APP: variants seen among roughly 807,000 people sequenced by gnomAD.
The protein encoded by APP is amyloid beta precursor protein.
APP carries 31 observed loss-of-function variants against 101.4 expected under a neutral mutation model. The observed-to-expected ratio is 0.31, with a 90% CI of 0.23 to 0.41. APP has a LOEUF of 0.41. Ranked by LOEUF, APP falls within the 10% of genes least tolerant of loss-of-function variation. The pLI is 1.00. For missense variants in APP, 839 were observed against 1,003.7 expected, an observed-to-expected ratio of 0.84 and a Z score of 2.22; for synonymous variants, 366 against 364.4, an observed-to-expected ratio of 1.00 and a Z score of -0.05.
intron 11 of APP, among the ~76,000 whole-genome samples, chr21:25,957,977 CTG>C (rs2041397359): frequency 6.6e-6 from 1 of 152,046 alleles, no homozygotes; most frequent in African/African-American, 2.4e-5. Flanking sequence ...GAATAACTGC[CTG>C]TCTTTTAATT....
At chr21:25,988,184 T>C (rs2042709531) in intron 8 of APP, among the ~76,000 whole-genome samples, 1 of 152,090 alleles carries the variant, frequency 6.6e-6, no homozygotes, top group South Asian at 2.1e-4. Flanking sequence ...TGAAGCTGGC[T>C]GGCAAATTCC....
chr21:26,061,395 A>C (rs528268288), intron 3 of APP, among the ~76,000 whole-genome samples: 1 of 152,266 alleles, frequency 6.6e-6, no homozygotes, highest in South Asian at 2.1e-4. Context: ...GTGATTTTTT[A>C]TTTTACCATT....
At chr21:25,897,783 GAAGAAAATTGATAAATGACTCTTA>G in intron 15 of APP, 110 bp from the exon 16 acceptor site, 1 of 845,664 alleles carries the variant, frequency 1.2e-6, no homozygotes, top group Non-Finnish European at 2.0e-6. Flanking sequence ...CCTGAAGTTA[GAAGAAAATTGATAAATGACTCTTA>G]AAGAAAAATG....
In APP at chr21:26,051,175, T is replaced by A. The variant is rs749504313; in HGVS notation, c.487A>T (p.Thr163Ser). The A allele has an allele frequency of 3.1e-6, 5 of 1,613,980 alleles. No individual in the cohort carries two copies. The highest frequency in any genetic ancestry group is 1.3e-5 in the African/African-American group (1 of 75,066). ...VAKETCSEKSTNLHDYGMLLP... is the reference protein window; with the variant it reads ...VAKETCSEKSSNLHDYGMLLP... ...AACATGCCGTAGTCATGCAAGTTGG[T>A]ACTCTTCTCACTGCATGTCTACAAA... Residue 163 changes from threonine to serine, a missense_variant, in exon 5 of 18, where the codon ACC becomes TCC. By Grantham distance (58) the Thr-to-Ser change is moderately conservative (BLOSUM62 1). Coordinates refer to ENST00000346798, the MANE Select transcript of APP (RefSeq NM_000484.4).
At chr21:26,076,758 C>G (rs566956756) in intron 3 of APP, among the ~76,000 whole-genome samples, 1 of 152,182 alleles carries the variant, frequency 6.6e-6, no homozygotes, top group South Asian at 2.1e-4. Flanking sequence ...TGACTTGCAA[C>G]TTCTAAGCTT....
In APP at chr21:26,022,027, T is replaced by C. The variant is rs779117377; in HGVS notation, c.678A>G (p.Val226=). 1 of 1,614,158 alleles carries C rather than the reference T, an allele frequency of 6.2e-7. No homozygotes were observed. The highest frequency in any genetic ancestry group is 1.1e-5 in the South Asian group (1 of 91,086). Residue 226 remains valine, a synonymous_variant, in exon 6 of 18, where the codon GTA becomes GTG. Transcript: ENST00000346798. ...DYADGSEDKV[V]EVAEEEEVAE... is the part of the protein sequence containing the mutation. ...CCACTTCTTCCTCCTCTGCTACTTC[T>C]ACTACTTTGTCTTCACTGTGAAGGC...
At chr21:25,979,474 A>G (rs2146589464) in intron 9 of APP, among the ~76,000 whole-genome samples, 1 of 152,316 alleles carries the variant, frequency 6.6e-6, no homozygotes, top group East Asian at 1.9e-4. Context: ...AAAGTTGAAA[A>G]GTCCCTAGAT....
intron 17 of APP, among the ~76,000 whole-genome samples, chr21:25,887,981 G>A (rs2037450266): frequency 6.6e-6 from 1 of 151,752 alleles, no homozygotes; most frequent in South Asian, 2.1e-4. Context: ...TTTTCCTAGG[G>A]TTCCTATCTC....
chr21:26,166,710 T>C (rs999334324), intron 1 of APP, among the ~76,000 whole-genome samples: 8 of 152,216 alleles, frequency 5.3e-5, no homozygotes, highest in Non-Finnish European at 1.2e-4. Flanking sequence ...GATTTTTCCC[T>C]ATCCTCCTCG....
At chr21:26,053,525 C>A (rs564103069) in intron 3 of APP, 177 bp from the exon 4 acceptor site, 36 of 535,148 alleles carry the variant, frequency 6.7e-5, no homozygotes, top group Non-Finnish European at 1.2e-4. Flanking sequence ...TAAGCAACTC[C>A]GTTTCTTGCC....
intron 5 of APP, among the ~76,000 whole-genome samples, chr21:26,040,210 A>G (rs887058775): frequency 6.6e-6 from 1 of 152,234 alleles, no homozygotes; most frequent in Non-Finnish European, 1.5e-5. Flanking sequence ...CTGTCATGTC[A>G]GTGCTCAAAA....
At chr21:26,170,336 G>T (rs1276662877) in intron 1 of APP, among the ~76,000 whole-genome samples, 2 of 152,140 alleles carry the variant, frequency 1.3e-5, no homozygotes, top group East Asian at 3.9e-4. Flanking sequence ...GAACCAGGGA[G>T]ACCAGCGCCT....
At chr21:26,112,707 G>T (rs1017873800) in intron 1 of APP, among the ~76,000 whole-genome samples, 1 of 152,290 alleles carries the variant, frequency 6.6e-6, no homozygotes, top group East Asian at 1.9e-4. Context: ...ATATAACTGA[G>T]TATGTTGGCG....
At chr21:25,954,514 G>T in intron 13 of APP, 76 bp downstream of exon 13, 2 of 1,280,858 alleles carry the variant, frequency 1.6e-6, no homozygotes, top group Non-Finnish European at 2.2e-6. Context: ...TCCTCAAACA[G>T]ATAACTCACT....
At chr21:25,930,253 G>A (rs1047188539) in intron 13 of APP, among the ~76,000 whole-genome samples, 2 of 152,182 alleles carry the variant, frequency 1.3e-5, no homozygotes, top group African/African-American at 2.4e-5. Flanking sequence ...CGTCTCTCAA[G>A]CTCATGAGAG....
Position 26,055,974 on chromosome 21 carries a change from G to A in APP, c.356-2626C>T, listed in dbSNP as rs996830091. On this transcript the variant is annotated intron_variant, in intron 3 of 17. Transcript: ENST00000346798. ...AATCTGCTGACGACTAGATTATAAT[G>A]CAAAGCTAAAGTTACCAAAACATAT... 2.6e-5 allele frequency among the ~76,000 whole-genome samples: 4 copies of A among 152,160 alleles called. No homozygotes were observed. In the South Asian group the frequency reaches 6.2e-4, roughly 24 times the overall value.
At chr21:26,169,742 G>A (rs1439401602) in intron 1 of APP, among the ~76,000 whole-genome samples, 1 of 152,220 alleles carries the variant, frequency 6.6e-6, no homozygotes, top group Non-Finnish European at 1.5e-5. Flanking sequence ...GCGAGGGCGG[G>A]GTGTCGCGGC....
chr21:25,897,123 CTT>C (rs34725553), intron 16 of APP, among the ~76,000 whole-genome samples: 7 of 151,326 alleles, frequency 4.6e-5, no homozygotes, highest in African/African-American at 1.7e-4. Flanking sequence ...CATACAGCCT[CTT>C]TCTTTTCTTT....
At chr21:26,017,409 C>CAAAAAAA (rs373376674) in intron 6 of APP, among the ~76,000 whole-genome samples, 1 of 111,106 alleles carries the variant, frequency 9.0e-6, no homozygotes, top group African/African-American at 3.5e-5. Flanking sequence ...AATCCCGTGT[C>CAAAAAAA]AAAAAAAAAA....
Sources: allele counts gnomAD v4.1 joint callset (sites outside exome capture counted in the v4.1 genomes callset), GRCh38; gene constraint gnomAD v4.1.1; transcripts MANE v1.5; gene names NCBI Gene and HGNC (gene_info 2026-07-23, HGNC 2026-07-21).